STK33: variants seen among roughly 807,000 people sequenced by gnomAD.
STK33 encodes the protein serine/threonine-protein kinase 33.
In STK33, 52 loss-of-function variants were observed where a neutral mutation model predicts 58.0. The observed-to-expected ratio is 0.90, with a 90% CI of 0.72 to 1.13. STK33 has a LOEUF of 1.13. Ranked by LOEUF, STK33 falls within the 50% of genes most tolerant of loss-of-function variation. The pLI is 0.00. For synonymous variants in STK33, 215 were observed against 200.1 expected, an observed-to-expected ratio of 1.07 and a Z score of -0.63; for missense variants, 630 against 604.2, an observed-to-expected ratio of 1.04 and a Z score of -0.45.
At chr11:8,534,895 T>C (rs148075927) in intron 1 of STK33, among the ~76,000 whole-genome samples, 141 of 152,260 alleles carry the variant, frequency 9.3e-4, no homozygotes, top group African/African-American at 3.3e-3. Flanking sequence ...CTTCACACTG[T>C]CTCTGGGAAA....
intron 15 of STK33, among the ~76,000 whole-genome samples, chr11:8,400,569 A>T (rs901611773): frequency 3.3e-5 from 5 of 152,246 alleles, no homozygotes; most frequent in African/African-American, 1.2e-4. Context: ...CAAGACAGGG[A>T]TGCCCTCTCT....
chr11:8,510,039 C>G (rs1317336767), intron 1 of STK33, among the ~76,000 whole-genome samples: 1 of 152,178 alleles, frequency 6.6e-6, no homozygotes, highest in Non-Finnish European at 1.5e-5. Flanking sequence ...ATTGCCAGAT[C>G]AAATGGTAGT....
the STK33 span, among the ~76,000 whole-genome samples, chr11:8,372,236 G>A: frequency 6.6e-6 from 1 of 152,182 alleles, no homozygotes; most frequent in Non-Finnish European, 1.5e-5. Context: ...CATGAGCTTG[G>A]TGTTGCTGCA....
intron 1 of STK33, among the ~76,000 whole-genome samples, chr11:8,563,921 T>C (rs1375169496): frequency 1.3e-5 from 2 of 151,964 alleles, no homozygotes; most frequent in Admixed American, 6.6e-5. Flanking sequence ...GGGACCAGTA[T>C]GGCTGAACTG....
At chr11:8,357,758 G>C in the STK33 span, among the ~76,000 whole-genome samples, 1 of 152,062 alleles carries the variant, frequency 6.6e-6, no homozygotes, top group African/African-American at 2.4e-5. Context: ...CAGCCTTCAG[G>C]TGCACCCTAG....
chr11:8,585,024 G>A (rs1445936119), intron 1 of STK33, among the ~76,000 whole-genome samples: 1 of 150,826 alleles, frequency 6.6e-6, no homozygotes, highest in Non-Finnish European at 1.5e-5. Flanking sequence ...CTGGGTTCAA[G>A]TAATTCTCCT....
chr11:8,406,467 T>C (rs1471300884), intron 15 of STK33, among the ~76,000 whole-genome samples: 1 of 152,226 alleles, frequency 6.6e-6, no homozygotes, highest in African/African-American at 2.4e-5. Flanking sequence ...TGGGGAGAAC[T>C]GACATCTTAA....
At chr11:8,376,820 A>C in the STK33 span, among the ~76,000 whole-genome samples, 1 of 152,086 alleles carries the variant, frequency 6.6e-6, no homozygotes, top group African/African-American at 2.4e-5. Flanking sequence ...GATTACAGGC[A>C]TGAGCCACCA....
intron 1 of STK33, among the ~76,000 whole-genome samples, chr11:8,587,833 A>G (rs1213709866): frequency 1.3e-5 from 2 of 152,244 alleles, no homozygotes; most frequent in Admixed American, 1.3e-4. Flanking sequence ...GTCTACTTAG[A>G]GGCCTTAAGT....
chr11:8,394,985 C>T (rs907657105), intron 15 of STK33, among the ~76,000 whole-genome samples: 12 of 152,094 alleles, frequency 7.9e-5, no homozygotes, highest in African/African-American at 2.9e-4. Flanking sequence ...CAAAGACAAC[C>T]AATATTGTCA....
At chr11:8,481,376 G>A (rs1237779434) in intron 1 of STK33, among the ~76,000 whole-genome samples, 1 of 152,180 alleles carries the variant, frequency 6.6e-6, no homozygotes, top group Non-Finnish European at 1.5e-5. Context: ...AGCCCCTCCA[G>A]GGCAGGAACC....
At chr11:8,496,705 G>A (rs1951084468) in intron 1 of STK33, among the ~76,000 whole-genome samples, 1 of 151,702 alleles carries the variant, frequency 6.6e-6, no homozygotes, top group South Asian at 2.1e-4. Flanking sequence ...CTCCCGAGTA[G>A]CTGGGACTAC....
At chr11:8,405,449 G>C (rs1345603556) in intron 15 of STK33, among the ~76,000 whole-genome samples, 1 of 152,130 alleles carries the variant, frequency 6.6e-6, no homozygotes, top group Admixed American at 6.5e-5. Context: ...TGCAATGTAG[G>C]AGTTGTTTAT....
At chr11:8,500,971 C>T (rs1264352722) in intron 1 of STK33, among the ~76,000 whole-genome samples, 1 of 150,294 alleles carries the variant, frequency 6.7e-6, no homozygotes, top group Non-Finnish European at 1.5e-5. Context: ...GCAAATGGTG[C>T]TGGGATAACT....
intron 1 of STK33, among the ~76,000 whole-genome samples, chr11:8,497,472 T>C (rs1199056194): frequency 2.0e-5 from 3 of 152,142 alleles, no homozygotes; most frequent in African/African-American, 4.8e-5. Flanking sequence ...CAAAGTTCTT[T>C]CTTTTTCTTT....
In STK33 at chr11:8,468,148, G is replaced by A. The variant is rs554653234; in HGVS notation, c.340-3326C>T. 4.6e-5 allele frequency among the ~76,000 whole-genome samples: 7 copies of A among 152,244 alleles called. No homozygotes were observed. In the South Asian group the frequency reaches 8.3e-4, roughly 18 times the overall value. On this transcript the variant is annotated intron_variant, in intron 6 of 15. Transcript: ENST00000687296. Reference sequence around the variant, plus strand: ...CACAATCATGGCAGAAGGCAAGGAGGAGCAAGTCACATCTTACGTGGATGG... The same window carrying A: ...CACAATCATGGCAGAAGGCAAGGAGAAGCAAGTCACATCTTACGTGGATGG...
At chr11:8,542,395 A>G (rs143596716) in intron 1 of STK33, among the ~76,000 whole-genome samples, 1 of 152,344 alleles carries the variant, frequency 6.6e-6, no homozygotes, top group Non-Finnish European at 1.5e-5. Flanking sequence ...AATTGCTTTT[A>G]AAATGTTTGT....
the STK33 span, among the ~76,000 whole-genome samples, chr11:8,339,156 C>A: frequency 6.6e-6 from 1 of 152,142 alleles, no homozygotes; most frequent in Non-Finnish European, 1.5e-5. Context: ...AAAAAAAATT[C>A]CTCAAAATTA....
At position 8,486,958 on chromosome 11, in the gene STK33, C is replaced by A. The variant is rs373117170; in HGVS notation, c.-465-6344G>T. Among the ~76,000 whole-genome samples, 266 of 152,146 alleles carry A rather than the reference C, an allele frequency of 1.7e-3. 1 individual carries two copies. Among genetic ancestry groups the A allele is most frequent in the African/African-American group, 4.5e-3 (186 of 41,506 alleles). On this transcript the variant is annotated intron_variant, in intron 1 of 15. Transcript: ENST00000687296. ...AACTGAGATAGATAGCAGCCATTTA[C>A]TGAGACAGTAAAGACAGGAGGAAGA... is the stretch of plus-strand genomic sequence containing the variant.
Sources: gnomAD v4.1 joint callset for allele counts (sites outside exome capture counted in the v4.1 genomes callset) on GRCh38, gnomAD v4.1.1 for gene constraint, MANE v1.5 for transcripts, NCBI Gene and HGNC (gene_info 2026-07-23, HGNC 2026-07-21) for gene names.